The following GABPB1 variants were observed in gnomAD, a reference collection of about 807,000 sequenced individuals.
GABPB1 encodes GA-binding protein subunit beta-1.
A neutral mutation model predicts 45.9 loss-of-function variants in GABPB1; 15 were observed. The ratio of observed to expected loss-of-function variants is 0.33; its 90% CI spans 0.22 to 0.50. The LOEUF is 0.50. Among genes scored for constraint, GABPB1 ranks in the 20% least tolerant of loss-of-function variants. The pLI is 0.98. For missense variants in GABPB1, 252 were observed against 457.5 expected (o/e 0.55, Z 4.10); for synonymous variants, 143 against 154.4 (o/e 0.93, Z 0.55).
At chr15:50,313,233 CAGAAA>C (rs2047192525) in intron 1 of GABPB1, among the ~76,000 whole-genome samples, 1 of 152,092 alleles carries the variant, frequency 6.6e-6, no homozygotes, top group Non-Finnish European at 1.5e-5. Context: ...ATATGTTTTA[CAGAAA>C]AGAAAATAGA....
chr15:50,318,653 GCAAA>G (rs538111227), intron 1 of GABPB1, among the ~76,000 whole-genome samples: 2 of 152,236 alleles, frequency 1.3e-5, no homozygotes, highest in South Asian at 4.2e-4. Flanking sequence ...GACCTAGAAG[GCAAA>G]CCCAGATGGG....
chr15:50,312,163 G>A (rs1219015698), intron 1 of GABPB1, among the ~76,000 whole-genome samples: 2 of 151,932 alleles, frequency 1.3e-5, no homozygotes, highest in Non-Finnish European at 2.9e-5. Context: ...CGGCCAACAG[G>A]GTGAAACCCT....
chr15:50,354,959 A>C (rs1237590351), intron 1 of GABPB1, 26 bp downstream of exon 1: 2 of 212,624 alleles, frequency 9.4e-6, no homozygotes, highest in Non-Finnish European at 1.9e-5. Context: ...CGGTGGTAAC[A>C]GGGCCCTACA....
intron 1 of GABPB1, chr15:50,347,499 A>G (rs549410949): frequency 6.6e-6 from 1 of 152,268 alleles, no homozygotes; most frequent in Admixed American, 6.5e-5. Context: ...CATCGTTCCA[A>G]TTTTAGTATA....
intron 6 of GABPB1, 133 bp from the exon 7 acceptor site, chr15:50,289,801 C>T (rs2140987458): frequency 1.6e-6 from 1 of 643,476 alleles, no homozygotes. Context: ...GAGATAGGGT[C>T]TCACTCTGAT....
intron 1 of GABPB1, chr15:50,354,344 GCGGGGGC>G: frequency 2.2e-6 from 1 of 447,924 alleles, no homozygotes; most frequent in Admixed American, 2.4e-5. Context: ...GGCTGTCGCT[GCGGGGGC>G]CCCGCGCGGG....
intron 1 of GABPB1, among the ~76,000 whole-genome samples, chr15:50,321,520 C>T (rs1030115535): frequency 1.5e-4 from 23 of 152,102 alleles, no homozygotes; most frequent in Non-Finnish European, 2.6e-4. Flanking sequence ...ACCCTTTTAT[C>T]GCTTTTAAAG....
intron 1 of GABPB1, among the ~76,000 whole-genome samples, chr15:50,341,481 C>T (rs984662181): frequency 4.6e-5 from 7 of 151,654 alleles, no homozygotes. Flanking sequence ...TGCAGTGAGC[C>T]GAGATCGCGC....
intron 1 of GABPB1, chr15:50,349,433 G>A (rs2048738179): frequency 6.6e-6 from 1 of 152,086 alleles, no homozygotes; most frequent in Admixed American, 6.6e-5. Context: ...ATCATCATGA[G>A]CTAAGTATTA....
intron 1 of GABPB1, chr15:50,350,988 T>C (rs1036712965): frequency 6.6e-6 from 1 of 152,198 alleles, no homozygotes; most frequent in African/African-American, 2.4e-5. Context: ...ATTTCTCTCA[T>C]GATCAAGGTC....
chr15:50,276,054 A>G lies in GABPB1; in HGVS notation c.*2578T>C, dbSNP rs1052113009. 6 of 152,210 alleles carry G rather than the reference A, an allele frequency of 3.9e-5. No homozygotes were observed. Among genetic ancestry groups the G allele is most frequent in the African/African-American group, 1.2e-4 (5 of 41,452 alleles). 9.4% of individuals were successfully genotyped at this position (152,210 alleles called of 1,614,324 possible). The stretch of plus-strand genomic sequence containing the variant: ...AAAGAAAATAATTCATTACACCATA[A>G]CACTAAATGGCTTGTCTTGCAGAAC... On this transcript the variant is annotated 3_prime_UTR_variant, in exon 9 of 9. Transcript: ENST00000380877.
chr15:50,313,736 T>A (rs901538906), intron 1 of GABPB1, among the ~76,000 whole-genome samples: 24 of 152,084 alleles, frequency 1.6e-4, no homozygotes, highest in African/African-American at 5.6e-4. Flanking sequence ...CGTCAAAATA[T>A]GCATATAAAG....
At chr15:50,354,365 G>A (rs758215730) in intron 1 of GABPB1, 6 of 451,472 alleles carry the variant, frequency 1.3e-5, no homozygotes, top group South Asian at 6.2e-5. Flanking sequence ...GCGCGGGACT[G>A]GCCAGGCTCT....
At chr15:50,298,964 AAAG>A (rs1304380539) in intron 6 of GABPB1, among the ~76,000 whole-genome samples, 4 of 151,822 alleles carry the variant, frequency 2.6e-5, no homozygotes, top group African/African-American at 9.6e-5. Flanking sequence ...AAAAAAAAAA[AAAG>A]AAAGAGAAAA....
At chr15:50,353,905 A>G (rs1235131941) in intron 1 of GABPB1, 2 of 154,466 alleles carry the variant, frequency 1.3e-5, no homozygotes, top group Middle Eastern at 3.3e-3. Flanking sequence ...AACAGTCCGG[A>G]GAGAAAACTT....
intron 1 of GABPB1, among the ~76,000 whole-genome samples, chr15:50,321,086 T>C (rs1261932280): frequency 6.6e-6 from 1 of 152,166 alleles, no homozygotes; most frequent in Non-Finnish European, 1.5e-5. Flanking sequence ...AGGAAACAAA[T>C]ACACACAGTA....
intron 1 of GABPB1, among the ~76,000 whole-genome samples, chr15:50,346,882 C>CA (rs370179752): frequency 4.0e-5 from 6 of 151,684 alleles, no homozygotes; most frequent in African/African-American, 9.7e-5. Context: ...CCGCCCCCCC[C>CA]AGGTTCAAGC....
intron 1 of GABPB1, 122 bp downstream of exon 1, chr15:50,354,863 G>A (rs1226873501): frequency 8.9e-6 from 2 of 224,688 alleles, no homozygotes; most frequent in East Asian, 1.9e-4. Flanking sequence ...GCGCCTTAAT[G>A]CAATAAACAG....
chr15:50,315,246 C>A (rs1268138048), intron 1 of GABPB1, among the ~76,000 whole-genome samples: 1 of 152,166 alleles, frequency 6.6e-6, no homozygotes, highest in East Asian at 1.9e-4. Flanking sequence ...ATCCTCCCGC[C>A]TCAGTCTCCC....
Sources: allele counts gnomAD v4.1 joint callset (sites outside exome capture counted in the v4.1 genomes callset), GRCh38; gene constraint gnomAD v4.1.1; transcripts MANE v1.5; gene names NCBI Gene and HGNC (gene_info 2026-07-23, HGNC 2026-07-21).